IGSF11: variants seen among roughly 807,000 people sequenced by gnomAD.
The protein encoded by IGSF11 is immunoglobulin superfamily member 11, also known as CXADR like 1.
IGSF11 carries 22 observed loss-of-function variants against 41.0 expected under a neutral mutation model. The observed-to-expected ratio is 0.54, with a 90% CI of 0.38 to 0.77. The LOEUF (loss-of-function observed/expected upper bound fraction) is 0.77. Among genes scored for constraint, IGSF11 ranks in the 30% least tolerant of loss-of-function variants. The probability of loss-of-function intolerance (pLI) is 0.00; values close to 1 mark genes in which losing one functional copy is unlikely to be tolerated. For missense variants in IGSF11, 444 were observed against 530.8 expected (o/e 0.84, Z 1.61); for synonymous variants, 219 against 201.3 (o/e 1.09, Z -0.74).
At chr3:119,028,916 T>C (rs1940092114) in intron 1 of IGSF11, among the ~76,000 whole-genome samples, 1 of 152,162 alleles carries the variant, frequency 6.6e-6, no homozygotes, top group African/African-American at 2.4e-5. Flanking sequence ...CTGGTTTTTA[T>C]TTTGTATTCT....
At chr3:118,947,803 T>G (rs556451274) in intron 1 of IGSF11, 1 of 152,348 alleles carries the variant, frequency 6.6e-6, no homozygotes, top group East Asian at 1.9e-4. Context: ...CACCACACTT[T>G]TAGTTTTGCC....
chr3:119,110,913 T>C (rs1232699076), intron 1 of IGSF11, among the ~76,000 whole-genome samples: 1 of 151,902 alleles, frequency 6.6e-6, no homozygotes, highest in Non-Finnish European at 1.5e-5. Flanking sequence ...ATGTTGAATA[T>C]TGGCCCCCAC....
At chr3:119,079,017 C>G (rs1429230798) in intron 1 of IGSF11, among the ~76,000 whole-genome samples, 1 of 151,978 alleles carries the variant, frequency 6.6e-6, no homozygotes, top group Non-Finnish European at 1.5e-5. Context: ...AAATCAAAAC[C>G]ACAATGAGAC....
chr3:118,935,245 A>ATG (rs1943153414), intron 1 of IGSF11, among the ~76,000 whole-genome samples: 1 of 145,008 alleles, frequency 6.9e-6, no homozygotes, highest in Admixed American at 7.0e-5. Flanking sequence ...ACATATATAT[A>ATG]TGTATATATA....
chr3:119,018,500 G>T (rs529309090), intron 1 of IGSF11, among the ~76,000 whole-genome samples: 1 of 152,262 alleles, frequency 6.6e-6, no homozygotes, highest in African/African-American at 2.4e-5. Flanking sequence ...ACTTAAGCCT[G>T]ACACAGTATT....
At position 118,921,578 on chromosome 3, in the gene IGSF11, C is replaced by G. The variant is rs561795188; in HGVS notation, c.580+4523G>C. ...ACATGCTTATTCATTCAGTCTTCAT[C>G]CAACCATAAGTTAGTCACGATGATT... On this transcript the variant is annotated intron_variant, in intron 4 of 6. Coordinates refer to ENST00000393775, the MANE Select transcript of IGSF11 (RefSeq NM_001015887.3). Among the ~76,000 whole-genome samples, 4 of 152,140 alleles carry G rather than the reference C, an allele frequency of 2.6e-5. No homozygotes were observed. In the South Asian group the frequency reaches 6.2e-4, roughly 24 times the overall value.
chr3:118,932,134 G>A (rs867394722), intron 1 of IGSF11, among the ~76,000 whole-genome samples: 116 of 152,266 alleles, frequency 7.6e-4, no homozygotes, highest in African/African-American at 2.5e-3. Flanking sequence ...ATTCACCAGA[G>A]CCAACTCATG....
At chr3:119,059,111 A>G (rs1267201603) in intron 1 of IGSF11, among the ~76,000 whole-genome samples, 1 of 151,904 alleles carries the variant, frequency 6.6e-6, no homozygotes, top group East Asian at 1.9e-4. Flanking sequence ...GTACCCTAAA[A>G]CTTAAAGTAT....
chr3:119,015,057 T>C (rs915723499), intron 1 of IGSF11, among the ~76,000 whole-genome samples: 6 of 152,206 alleles, frequency 3.9e-5, no homozygotes, highest in Non-Finnish European at 8.8e-5. Context: ...TTCTGAAGTA[T>C]ACAAATAAGA....
upstream of IGSF11, among the ~76,000 whole-genome samples, chr3:119,107,411 T>C (rs1327774909): frequency 6.6e-6 from 1 of 152,250 alleles, no homozygotes; most frequent in Non-Finnish European, 1.5e-5. Flanking sequence ...GTTCATATCC[T>C]TCACCCACTT....
intron 1 of IGSF11, among the ~76,000 whole-genome samples, chr3:119,056,439 G>C (rs895094375): frequency 6.6e-6 from 1 of 152,158 alleles, no homozygotes; most frequent in African/African-American, 2.4e-5. Flanking sequence ...TTGAATCTCT[G>C]AATAGACCAA....
At chr3:119,130,748 C>T (rs2077470663) in intron 1 of IGSF11, among the ~76,000 whole-genome samples, 2 of 152,210 alleles carry the variant, frequency 1.3e-5, no homozygotes, top group Non-Finnish European at 2.9e-5. Flanking sequence ...CCCTGACCCA[C>T]ATGTAGCCTA....
At chr3:118,983,884 AC>A (rs1934989845) in intron 1 of IGSF11, among the ~76,000 whole-genome samples, 1 of 152,076 alleles carries the variant, frequency 6.6e-6, no homozygotes, top group South Asian at 2.1e-4. Context: ...TTCAGTTGTG[AC>A]CCCAGTTGAG....
intron 1 of IGSF11, among the ~76,000 whole-genome samples, chr3:119,129,737 T>C (rs1267302029): frequency 6.6e-6 from 1 of 152,134 alleles, no homozygotes; most frequent in Non-Finnish European, 1.5e-5. Flanking sequence ...GTAATCTCAA[T>C]GATTTGGGAG....
chr3:118,908,740 G>C (rs1322146511), intron 4 of IGSF11, among the ~76,000 whole-genome samples: 1 of 152,138 alleles, frequency 6.6e-6, no homozygotes, highest in Non-Finnish European at 1.5e-5. Context: ...AGGCCCTTCT[G>C]AATTAGAAAA....
At chr3:119,117,197 C>CA (rs759966280) in intron 1 of IGSF11, among the ~76,000 whole-genome samples, 9,078 of 135,018 alleles carry the variant, frequency 0.067, 532 homozygotes, top group African/African-American at 0.16. Flanking sequence ...TGGAAGTTAT[C>CA]AAAAAAAAAA....
chr3:118,959,110 C>A (rs2107597650), intron 1 of IGSF11, among the ~76,000 whole-genome samples: 1 of 152,270 alleles, frequency 6.6e-6, no homozygotes, highest in East Asian at 1.9e-4. Context: ...GTTAAAGCTG[C>A]ACTTTAGAGG....
chr3:119,064,215 C>T (rs987608896), intron 1 of IGSF11, among the ~76,000 whole-genome samples: 1 of 152,210 alleles, frequency 6.6e-6, no homozygotes, highest in African/African-American at 2.4e-5. Context: ...TTTATATCTG[C>T]AGTCCATATG....
At chr3:119,062,187 T>A (rs141112408) in intron 1 of IGSF11, among the ~76,000 whole-genome samples, 5 of 152,304 alleles carry the variant, frequency 3.3e-5, no homozygotes, top group East Asian at 3.9e-4. Context: ...TTGGTTTTAT[T>A]TGAAAGTTTG....
Sources: allele counts gnomAD v4.1 joint callset (sites outside exome capture counted in the v4.1 genomes callset), GRCh38; gene constraint gnomAD v4.1.1; transcripts MANE v1.5; gene names NCBI Gene and HGNC (gene_info 2026-07-23, HGNC 2026-07-21).